CRTC1: variants seen among roughly 807,000 people sequenced by gnomAD.
The protein encoded by CRTC1 is CREB regulated transcription coactivator 1.
CRTC1 carries 18 observed loss-of-function variants against 66.1 expected under a neutral mutation model. The observed-to-expected ratio is 0.27, with a 90% CI of 0.19 to 0.40. The LOEUF is 0.40. Ranked by LOEUF, CRTC1 falls within the 10% of genes least tolerant of loss-of-function variation. The pLI, the probability that CRTC1 is intolerant of heterozygous loss-of-function variation, is 1.00. For synonymous variants in CRTC1, 416 were observed against 398.8 expected (o/e 1.04, Z -0.51); for missense variants, 669 against 887.9 (o/e 0.75, Z 3.13).
intron 1 of CRTC1, among the ~76,000 whole-genome samples, chr19:18,720,525 G>GT (rs35827745): frequency 0.16 from 17,210 of 104,722 alleles, 1,560 homozygotes; most frequent in African/African-American, 0.22. Flanking sequence ...AATTTTTAGT[G>GT]TTTTTTTTTT....
chr19:18,775,247 G>C (rs1159669005), intron 12 of CRTC1, among the ~76,000 whole-genome samples: 1 of 152,256 alleles, frequency 6.6e-6, no homozygotes, highest in African/African-American at 2.4e-5. Flanking sequence ...AGGGTGAGGG[G>C]GGGCAGGCAG....
At chr19:18,692,252 T>C (rs948984750) in intron 1 of CRTC1, among the ~76,000 whole-genome samples, 1 of 152,200 alleles carries the variant, frequency 6.6e-6, no homozygotes, top group Non-Finnish European at 1.5e-5. Flanking sequence ...GCTGGACTTA[T>C]GCATCTGCAA....
intron 1 of CRTC1, among the ~76,000 whole-genome samples, chr19:18,737,234 G>A (rs76089349): frequency 0.011 from 1,577 of 149,844 alleles, 42 homozygotes; most frequent in African/African-American, 0.037. Context: ...CCACCTTTAC[G>A]AAGGGCTCTA....
chr19:18,684,975 C>A (rs1347402639), intron 1 of CRTC1, among the ~76,000 whole-genome samples: 2 of 152,078 alleles, frequency 1.3e-5, no homozygotes, highest in African/African-American at 2.4e-5. Context: ...TTTGTTCTTG[C>A]AGTGTGGTGA....
At chr19:18,764,570 C>T (rs988323714) in intron 8 of CRTC1, among the ~76,000 whole-genome samples, 1 of 152,238 alleles carries the variant, frequency 6.6e-6, no homozygotes, top group African/African-American at 2.4e-5. Context: ...AGTGCAAGGG[C>T]CTTCGGGGCC....
Position 18,750,072 on chromosome 19 carries a change from A to C in CRTC1, c.538+197A>C, listed in dbSNP as rs373145921. Reference sequence around the variant, plus strand: ...AGTTGGATTTTGAAGAGTGCATAGGAGTTTTCTAGGCAGAGAAAACAACCC... The same window carrying C: ...AGTTGGATTTTGAAGAGTGCATAGGCGTTTTCTAGGCAGAGAAAACAACCC... On this transcript the variant is annotated intron_variant, in intron 5 of 13. Coordinates refer to ENST00000321949, the MANE Select transcript of CRTC1 (RefSeq NM_015321.3). 1.4e-4 allele frequency among the ~76,000 whole-genome samples: 21 copies of C among 152,310 alleles called. No individual in the cohort carries two copies. The East Asian group carries it at 2.1e-3, about 15-fold the overall frequency.
At chr19:18,688,193 C>T (rs774144712) in intron 1 of CRTC1, among the ~76,000 whole-genome samples, 24 of 152,036 alleles carry the variant, frequency 1.6e-4, no homozygotes, top group African/African-American at 2.2e-4. Context: ...AGGTGGCACA[C>T]GCTGGGAGAG....
intron 2 of CRTC1, 82 bp downstream of exon 2, chr19:18,743,108 C>T: frequency 9.2e-7 from 1 of 1,091,080 alleles, no homozygotes; most frequent in African/African-American, 1.5e-5. Context: ...TTGAGGACAG[C>T]TGGGGTTATC....
chr19:18,703,235 G>A (rs962690209), intron 1 of CRTC1, among the ~76,000 whole-genome samples: 10 of 152,174 alleles, frequency 6.6e-5, no homozygotes, highest in Non-Finnish European at 1.3e-4. Context: ...GGGTTTCACT[G>A]TGTTAGCCAG....
At chr19:18,683,896 G>A in intron 1 of CRTC1, 68 bp downstream of exon 1, 2 of 429,208 alleles carry the variant, frequency 4.7e-6, no homozygotes, top group Non-Finnish European at 6.3e-6. Flanking sequence ...TGTCCGGCGC[G>A]TGCACGGGGC....
intron 1 of CRTC1, among the ~76,000 whole-genome samples, chr19:18,713,823 A>G (rs961182211): frequency 6.6e-6 from 1 of 152,218 alleles, no homozygotes; most frequent in Non-Finnish European, 1.5e-5. Context: ...AGGAGCTGAC[A>G]TCCCAAAAGG....
intron 1 of CRTC1, among the ~76,000 whole-genome samples, chr19:18,692,164 TAAAA>T (rs1207895730): frequency 6.6e-6 from 1 of 151,746 alleles, no homozygotes; most frequent in East Asian, 1.9e-4. Flanking sequence ...CCCCTGCTAC[TAAAA>T]AGGGCTGAAT....
chr19:18,683,701 A>G lies in CRTC1; in HGVS notation c.-2A>G. 2.2e-6 allele frequency: 3 copies of G among 1,389,182 alleles called. No individual in the cohort carries two copies. The highest frequency in any genetic ancestry group is 2.3e-5 in the Admixed American group (1 of 43,144). The allele number at this position is 1,389,182 out of a possible 1,614,324, so 86.1% of individuals were successfully genotyped here. A position where few individuals can be genotyped will look rare whatever the true frequency, so the allele number is the denominator to read the frequency against. On this transcript the variant is annotated 5_prime_UTR_variant, in exon 1 of 14. Coordinates refer to ENST00000321949, the MANE Select transcript of CRTC1 (RefSeq NM_015321.3). ...GGAGGAGGAGGAGGTGGCGGCGAGA[A>G]GATGGCGACTTCGAACAATCCGCGG...
At chr19:18,723,704 C>T (rs10404726) in intron 1 of CRTC1, among the ~76,000 whole-genome samples, 86,867 of 152,070 alleles carry the variant, frequency 0.57, 26,211 homozygotes, top group East Asian at 0.9. Flanking sequence ...TGCCATTTGT[C>T]TGGGGCCTGG....
Position 18,768,365 on chromosome 19 carries a change from C to T in CRTC1, c.1012-120C>T, listed in dbSNP as rs2145838706. On this transcript the variant is annotated intron_variant, in intron 9 of 13. Coordinates refer to ENST00000321949, the MANE Select transcript of CRTC1 (RefSeq NM_015321.3). This position sits in a 1 kb window ranked among gnomAD's most constrained non-coding sequence, Gnocchi z 5.6. ...TCGTGAGGAGCACCCAGCCCAGGGG[C>T]TGCCTGTGATCACAGGGCCCTTCCA... is the stretch of plus-strand genomic sequence containing the variant. 2.5e-6 allele frequency: 2 copies of T among 795,246 alleles called. No homozygotes were observed. The highest frequency in any genetic ancestry group is 5.5e-5 in the East Asian group (2 of 36,088). 49.3% of individuals were successfully genotyped at this position (795,246 alleles called of 1,614,324 possible). A position where few individuals can be genotyped will look rare whatever the true frequency, so the allele number is the denominator to read the frequency against.
At chr19:18,696,282 G>A (rs1292188563) in intron 1 of CRTC1, among the ~76,000 whole-genome samples, 3 of 151,350 alleles carry the variant, frequency 2.0e-5, no homozygotes, top group African/African-American at 7.3e-5. Context: ...CTGGAAGCCT[G>A]TGTGCCGAGG....
At chr19:18,766,249 T>C (rs2054732062) in intron 9 of CRTC1, among the ~76,000 whole-genome samples, 1 of 150,996 alleles carries the variant, frequency 6.6e-6, no homozygotes, top group Non-Finnish European at 1.5e-5. Context: ...GCCTTCCAAG[T>C]AGCTGGGACT....
At chr19:18,761,564 A>C (rs959445630) in intron 8 of CRTC1, among the ~76,000 whole-genome samples, 6 of 152,206 alleles carry the variant, frequency 3.9e-5, no homozygotes, top group African/African-American at 1.4e-4. Context: ...TCACATGCTT[A>C]CATTTGTAAC....
At chr19:18,718,255 G>T (rs2053550631) in intron 1 of CRTC1, among the ~76,000 whole-genome samples, 1 of 152,020 alleles carries the variant, frequency 6.6e-6, no homozygotes, top group Non-Finnish European at 1.5e-5. Context: ...CACACCCTGT[G>T]GCCTTCTGTA....
Sources: allele counts gnomAD v4.1 joint callset (sites outside exome capture counted in the v4.1 genomes callset), GRCh38; gene constraint gnomAD v4.1.1; non-coding constraint Gnocchi (gnomAD v3.1); transcripts MANE v1.5; gene names NCBI Gene and HGNC (gene_info 2026-07-23, HGNC 2026-07-21).